Variants in LPAR3 observed in about 807,000 individuals in gnomAD.
The protein encoded by LPAR3 is lysophosphatidic acid receptor 3.
A neutral mutation model predicts 17.8 loss-of-function variants in LPAR3; 7 were observed. That is an observed-to-expected ratio of 0.39 (90% confidence interval 0.22 to 0.74). The LOEUF (loss-of-function observed/expected upper bound fraction) is 0.74, where lower values mean the gene tolerates loss of function less well. Ranked by LOEUF, LPAR3 falls within the 30% of genes least tolerant of loss-of-function variation. The probability of loss-of-function intolerance (pLI) is 0.40; values close to 1 mark genes in which losing one functional copy is unlikely to be tolerated. For missense variants in LPAR3, 391 were observed against 453.4 expected, an observed-to-expected ratio of 0.86 and a Z score of 1.25; for synonymous variants, 179 against 179.9, an observed-to-expected ratio of 0.99 and a Z score of 0.04.
Position 84,813,690 on chromosome 1 carries a change from C to T in LPAR3, c.*156G>A. The T allele has an allele frequency of 1.6e-6, 1 of 624,948 alleles. No individual in the cohort carries two copies. Among genetic ancestry groups the T allele is most frequent in the Non-Finnish European group, 2.7e-6 (1 of 363,782 alleles). 38.7% of individuals were successfully genotyped at this position (624,948 alleles called of 1,614,324 possible). The stretch of plus-strand genomic sequence containing the variant: ...GCAGGTCCTCTCTTTACTGCCCATG[C>T]TTTTAAACTATGAAAAAAAATTTTT... On this transcript the variant is annotated 3_prime_UTR_variant, in exon 3 of 3. Transcript: ENST00000370611.
chr1:84,881,925 A>C (rs977378117), intron 1 of LPAR3, among the ~76,000 whole-genome samples: 2 of 152,220 alleles, frequency 1.3e-5, no homozygotes, highest in Non-Finnish European at 2.9e-5. Flanking sequence ...TGAGGAACAA[A>C]GCAAGGATGC....
intron 2 of LPAR3, among the ~76,000 whole-genome samples, chr1:84,861,528 G>T (rs1180993784): frequency 6.6e-6 from 1 of 152,194 alleles, no homozygotes; most frequent in East Asian, 1.9e-4. Context: ...GATGGTCTAT[G>T]CCACCTGATG....
intron 2 of LPAR3, among the ~76,000 whole-genome samples, chr1:84,821,170 AC>A (rs1349976105): frequency 2.0e-5 from 3 of 151,388 alleles, no homozygotes; most frequent in Non-Finnish European, 4.4e-5. Flanking sequence ...GTAGAGGAAT[AC>A]TTTTCCCAAA....
At chr1:84,868,932 T>C (rs1207053297) in intron 1 of LPAR3, among the ~76,000 whole-genome samples, 3 of 152,234 alleles carry the variant, frequency 2.0e-5, no homozygotes, top group Non-Finnish European at 2.9e-5. Context: ...AATACAATTA[T>C]TATGTGTCTT....
At chr1:84,820,007 T>C (rs557239287) in intron 2 of LPAR3, among the ~76,000 whole-genome samples, 3 of 152,322 alleles carry the variant, frequency 2.0e-5, no homozygotes, top group Admixed American at 2.0e-4. Flanking sequence ...GGCAGTGTGC[T>C]CAGGGCTTTA....
At chr1:84,833,132 C>T (rs181536258) in intron 2 of LPAR3, among the ~76,000 whole-genome samples, 2 of 152,244 alleles carry the variant, frequency 1.3e-5, no homozygotes, top group Admixed American at 1.3e-4. Context: ...GTAATGGGAA[C>T]GTGGTATACC....
chr1:84,876,504 T>A (rs927730638), intron 1 of LPAR3, among the ~76,000 whole-genome samples: 10 of 152,086 alleles, frequency 6.6e-5, no homozygotes, highest in African/African-American at 2.4e-4. Context: ...CAGGCATCCC[T>A]CTATATAAAG....
chr1:84,842,886 A>G (rs891269556), intron 2 of LPAR3, among the ~76,000 whole-genome samples: 1 of 151,706 alleles, frequency 6.6e-6, no homozygotes, highest in Non-Finnish European at 1.5e-5. Context: ...AGCAAAGAAG[A>G]AAAAAAAAGA....
chr1:84,878,010 G>C (rs1044944266), intron 1 of LPAR3, among the ~76,000 whole-genome samples: 1 of 123,646 alleles, frequency 8.1e-6, no homozygotes, highest in African/African-American at 3.3e-5. Flanking sequence ...AGCAAGTATA[G>C]GGTATTCTTG....
chr1:84,860,225 C>T (rs1659913130), intron 2 of LPAR3, among the ~76,000 whole-genome samples: 1 of 152,192 alleles, frequency 6.6e-6, no homozygotes, highest in East Asian at 1.9e-4. Flanking sequence ...CACCACTACC[C>T]TCAAGGAAAG....
chr1:84,847,314 A>T (rs1228499273), intron 2 of LPAR3, among the ~76,000 whole-genome samples: 1 of 152,228 alleles, frequency 6.6e-6, no homozygotes, highest in Non-Finnish European at 1.5e-5. Context: ...TCTTCAAAAC[A>T]GGGATGTCAG....
At chr1:84,815,374 G>T (rs1467430758) in intron 2 of LPAR3, among the ~76,000 whole-genome samples, 2 of 152,160 alleles carry the variant, frequency 1.3e-5, no homozygotes, top group Non-Finnish European at 2.9e-5. Flanking sequence ...GTACTAGACA[G>T]TGAGTGAGGT....
intron 2 of LPAR3, among the ~76,000 whole-genome samples, chr1:84,839,504 C>T (rs1335339152): frequency 1.3e-5 from 2 of 152,028 alleles, no homozygotes; most frequent in African/African-American, 4.8e-5. Flanking sequence ...TGAGACCTGT[C>T]TCTGCAAAAA....
At chr1:84,815,140 G>A (rs930059652) in intron 2 of LPAR3, among the ~76,000 whole-genome samples, 1 of 152,106 alleles carries the variant, frequency 6.6e-6, no homozygotes, top group African/African-American at 2.4e-5. Context: ...CCAGGAAACC[G>A]AGGCACAAGA....
At chr1:84,876,412 G>T (rs1660258753) in intron 1 of LPAR3, among the ~76,000 whole-genome samples, 1 of 152,214 alleles carries the variant, frequency 6.6e-6, no homozygotes, top group Non-Finnish European at 1.5e-5. Context: ...AGATTGGAAG[G>T]CAGGGAGGAT....
intron 2 of LPAR3, among the ~76,000 whole-genome samples, chr1:84,833,246 A>G (rs1659326684): frequency 6.7e-6 from 1 of 149,862 alleles, no homozygotes; most frequent in Non-Finnish European, 1.5e-5. Context: ...GAAAAACATT[A>G]AAACTTCCTG....
chr1:84,887,648 G>A (rs1660485444), intron 1 of LPAR3, among the ~76,000 whole-genome samples: 1 of 152,180 alleles, frequency 6.6e-6, no homozygotes, highest in African/African-American at 2.4e-5. Context: ...CAATATCCCA[G>A]CAGTGGGATG....
chr1:84,865,482 G>T lies in LPAR3; in HGVS notation c.639C>A (p.Val213=). Residue 213 remains valine (V), a synonymous_variant, in exon 2 of 3, where the codon GTC becomes GTA. Coordinates refer to ENST00000370611, the MANE Select transcript of LPAR3 (RefSeq NM_012152.3). ...VVVYLRIYVY[V]KRKTNVLSPH... is the part of the protein sequence containing the mutation. ...GAGACAAGACGTTGGTTTTCCTCTTGACGTACACGTAGATCCGCAGGTACA... is the reference window on the plus strand; with the variant it reads ...GAGACAAGACGTTGGTTTTCCTCTTTACGTACACGTAGATCCGCAGGTACA... 6.2e-7 allele frequency: 1 copy of T among 1,614,132 alleles called. No individual in the cohort carries two copies. The highest frequency in any genetic ancestry group is 1.7e-5 in the Admixed American group (1 of 60,012).
At chr1:84,888,175 C>CACAT (rs1557611744) in intron 1 of LPAR3, among the ~76,000 whole-genome samples, 1 of 90,558 alleles carries the variant, frequency 1.1e-5, no homozygotes, top group African/African-American at 4.4e-5. Context: ...CACACACACA[C>CACAT]ACACAGAGAG....
Sources: gnomAD v4.1 joint callset for allele counts (sites outside exome capture counted in the v4.1 genomes callset) on GRCh38, gnomAD v4.1.1 for gene constraint, MANE v1.5 for transcripts, NCBI Gene and HGNC (gene_info 2026-07-23, HGNC 2026-07-21) for gene names.